Variants in SGCD observed in about 807,000 individuals in gnomAD.
SGCD encodes the protein sarcoglycan delta, also known as delta-sarcoglycan.
A neutral mutation model predicts 36.6 loss-of-function variants in SGCD; 18 were observed. The observed-to-expected ratio is 0.49, with a 90% confidence interval of 0.34 to 0.73. The LOEUF (loss-of-function observed/expected upper bound fraction) is 0.73, where lower values mean the gene tolerates loss of function less well. SGCD is among the 30% of genes least tolerant of loss of function. The pLI is 0.01. For missense variants in SGCD, 387 were observed against 346.7 expected (o/e 1.12, Z -0.92); for synonymous variants, 133 against 130.6 (o/e 1.02, Z -0.12).
At chr5:156,638,652 G>A (rs1181416855) in intron 6 of SGCD, among the ~76,000 whole-genome samples, 1 of 152,102 alleles carries the variant, frequency 6.6e-6, no homozygotes, top group African/African-American at 2.4e-5. Flanking sequence ...TATCAAAAAC[G>A]ATGTACTCAT....
intron 7 of SGCD, among the ~76,000 whole-genome samples, chr5:156,687,171 A>G (rs1467400034): frequency 1.3e-5 from 2 of 152,208 alleles, no homozygotes; most frequent in African/African-American, 2.4e-5. Context: ...AAGGCAGGGC[A>G]GGCTAGAGGC....
At chr5:156,003,648 T>C (rs1226393291) in intron 1 of SGCD, among the ~76,000 whole-genome samples, 1 of 152,188 alleles carries the variant, frequency 6.6e-6, no homozygotes, top group Admixed American at 6.5e-5. Context: ...ATTCCAAGTC[T>C]GGAGGATTGA....
At chr5:156,468,117 G>C (rs1754792925) in intron 3 of SGCD, among the ~76,000 whole-genome samples, 2 of 152,138 alleles carry the variant, frequency 1.3e-5, no homozygotes, top group Admixed American at 6.5e-5. Flanking sequence ...AGGCAGCCAA[G>C]ATGGGAGGAT....
the SGCD span, among the ~76,000 whole-genome samples, chr5:155,858,049 G>A: frequency 5.3e-4 from 81 of 152,164 alleles, no homozygotes; most frequent in Non-Finnish European, 9.9e-4. Context: ...ATAACTCGTG[G>A]TAGTGATGTT....
intron 1 of SGCD, among the ~76,000 whole-genome samples, chr5:155,959,560 G>C (rs780370492): frequency 3.9e-5 from 6 of 152,002 alleles, no homozygotes; most frequent in Non-Finnish European, 7.4e-5. Context: ...ATGTTTCCTT[G>C]CTTTTGTTTT....
At chr5:156,545,677 C>T (rs777170276) in intron 4 of SGCD, among the ~76,000 whole-genome samples, 8 of 152,130 alleles carry the variant, frequency 5.3e-5, no homozygotes, top group Non-Finnish European at 8.8e-5. Context: ...AATGCTCACT[C>T]GCCTGCCACT....
chr5:156,116,159 A>G (rs1265204577), intron 1 of SGCD, among the ~76,000 whole-genome samples: 3 of 152,038 alleles, frequency 2.0e-5, no homozygotes, highest in African/African-American at 4.8e-5. Context: ...TTGTTTTTCT[A>G]TTATTTACCA....
At chr5:155,996,928 GACA>G (rs1758566330) in intron 1 of SGCD, among the ~76,000 whole-genome samples, 5 of 149,588 alleles carry the variant, frequency 3.3e-5, no homozygotes, top group African/African-American at 7.5e-5. Context: ...CAGGCAGGCA[GACA>G]GACAGACAGA....
intron 3 of SGCD, among the ~76,000 whole-genome samples, chr5:156,378,993 T>C (rs1770828721): frequency 6.6e-6 from 1 of 152,198 alleles, no homozygotes. Flanking sequence ...ATGTGCTAAA[T>C]GTTTGCATCT....
chr5:156,384,585 A>G (rs1327781342), intron 3 of SGCD, among the ~76,000 whole-genome samples: 1 of 152,206 alleles, frequency 6.6e-6, no homozygotes, highest in Non-Finnish European at 1.5e-5. Flanking sequence ...GCACAAATTA[A>G]AAAGTTAAGT....
chr5:156,269,469 CAAAAAAAAAAAAAAAA>C (rs60893052), intron 3 of SGCD, among the ~76,000 whole-genome samples: 50 of 30,464 alleles, frequency 1.6e-3, no homozygotes, highest in African/African-American at 3.4e-3. Flanking sequence ...GACTCCGTCT[CAAAAAAAAAAAAAAAA>C]AAAAAAAAAA....
At chr5:156,618,869 C>T (rs551598747) in intron 6 of SGCD, among the ~76,000 whole-genome samples, 2 of 152,188 alleles carry the variant, frequency 1.3e-5, no homozygotes, top group South Asian at 4.2e-4. Flanking sequence ...GCAGCATTGC[C>T]TCAGCAGACC....
rs377567564 is a variant in SGCD at position 156,697,251 on chromosome 5, A to G, written c.575+49715A>G. Among the ~76,000 whole-genome samples, 24 of 152,298 alleles carry G rather than the reference A, an allele frequency of 1.6e-4. No homozygotes were observed. The South Asian group carries it at 5.0e-3, about 32-fold the overall frequency. On this transcript the variant is annotated intron_variant, in intron 7 of 8. Transcript: ENST00000337851. ...GGGCAAATTATATGCTATATAAATT[A>G]TATCTCAATATAGTTGCTTCAGAAA... is the stretch of plus-strand genomic sequence containing the variant.
chr5:156,399,584 T>A (rs1281573858), intron 3 of SGCD, among the ~76,000 whole-genome samples: 1 of 152,188 alleles, frequency 6.6e-6, no homozygotes. Context: ...TCTTTTTATA[T>A]CTGCTGGAGG....
At chr5:156,599,024 T>C (rs1316604529) in intron 6 of SGCD, among the ~76,000 whole-genome samples, 2 of 152,210 alleles carry the variant, frequency 1.3e-5, no homozygotes, top group African/African-American at 4.8e-5. Flanking sequence ...AAAATAAATA[T>C]CACTGCTGCT....
At chr5:156,564,577 C>T (rs1373563574) in intron 4 of SGCD, among the ~76,000 whole-genome samples, 4 of 152,146 alleles carry the variant, frequency 2.6e-5, no homozygotes, top group Non-Finnish European at 4.4e-5. Flanking sequence ...TTCAATGTCA[C>T]CATCATCTCT....
intron 3 of SGCD, among the ~76,000 whole-genome samples, chr5:156,141,936 GA>G (rs1762591654): frequency 6.6e-6 from 1 of 152,112 alleles, no homozygotes; most frequent in African/African-American, 2.4e-5. Context: ...ATTTTCTGAG[GA>G]AAAAGCTATT....
chr5:156,601,076 A>G (rs1401777292), intron 6 of SGCD, among the ~76,000 whole-genome samples: 1 of 151,968 alleles, frequency 6.6e-6, no homozygotes, highest in African/African-American at 2.4e-5. Context: ...GTTTGTCAAC[A>G]TTTTCTTCCA....
intron 1 of SGCD, among the ~76,000 whole-genome samples, chr5:156,029,152 A>T (rs1397945310): frequency 2.0e-5 from 3 of 152,200 alleles, no homozygotes; most frequent in Admixed American, 1.3e-4. Context: ...TATAATGTTA[A>T]TCAAGAAAAT....
Sources: gnomAD v4.1 joint callset for allele counts (sites outside exome capture counted in the v4.1 genomes callset) on GRCh38, gnomAD v4.1.1 for gene constraint, MANE v1.5 for transcripts, NCBI Gene and HGNC (gene_info 2026-07-23, HGNC 2026-07-21) for gene names.